RSRP1: variants seen among roughly 807,000 people sequenced by gnomAD.
RSRP1 encodes arginine/serine-rich protein 1.
In RSRP1, 37 loss-of-function variants were observed where a neutral mutation model predicts 33.0. The observed-to-expected ratio is 1.12, with a 90% CI of 0.86 to 1.48. The LOEUF (loss-of-function observed/expected upper bound fraction) is 1.48. Among genes scored for constraint, RSRP1 ranks in the 40% most tolerant of loss-of-function variants. The pLI, the probability that RSRP1 is intolerant of heterozygous loss-of-function variation, is 0.00. For synonymous variants in RSRP1, 167 were observed against 158.7 expected, an observed-to-expected ratio of 1.05 and a Z score of -0.40; for missense variants, 402 against 385.3, an observed-to-expected ratio of 1.04 and a Z score of -0.36.
chr1:25,267,788 C>G (rs1257396543), intron 1 of RSRP1: 1 of 131,584 alleles, frequency 7.6e-6, no homozygotes, highest in East Asian at 2.0e-4. Context: ...CTTTAGAACG[C>G]TCAGCACACA....
chr1:25,332,945 T>C (rs1330880595), intron 1 of RSRP1, among the ~76,000 whole-genome samples: 1 of 131,398 alleles, frequency 7.6e-6, no homozygotes, highest in Non-Finnish European at 1.8e-5. Flanking sequence ...CATGGCTCAG[T>C]CCAAGTCCCA....
rs1480245346 is a variant in RSRP1 at position 25,283,816 on chromosome 1, G to A, written c.-66-36787C>T. Among the ~76,000 whole-genome samples the A allele has an allele frequency of 2.2e-5, 3 of 133,880 alleles. 1 individual carries two copies. Among genetic ancestry groups the A allele is most frequent in the African/African-American group, 7.9e-5 (3 of 37,908 alleles). 87.8% of individuals were successfully genotyped at this position (133,880 alleles called of 152,430 possible). On this transcript the variant is annotated intron_variant, in intron 1 of 1. Coordinates refer to the RSRP1 transcript ENST00000561867. ...CCTGATTTGAACCCAAGTTTGTCTC[G>A]TTCTGGAGCTCAAGCTGCTAACCCT...
At chr1:25,269,906 C>T (rs533621716) in intron 1 of RSRP1, among the ~76,000 whole-genome samples, 6 of 132,332 alleles carry the variant, frequency 4.5e-5, no homozygotes, top group East Asian at 2.0e-4. Flanking sequence ...CCACCACCCA[C>T]GCCGTTTGCC....
intron 1 of RSRP1, among the ~76,000 whole-genome samples, chr1:25,287,170 T>C (rs1642096848): frequency 7.4e-6 from 1 of 135,162 alleles, no homozygotes; most frequent in African/African-American, 2.6e-5. Context: ...CATGCACGCA[T>C]ACACACACTG....
chr1:25,336,824 A>C (rs1477959250), intron 1 of RSRP1, among the ~76,000 whole-genome samples: 1 of 149,688 alleles, frequency 6.7e-6, no homozygotes, highest in Non-Finnish European at 1.5e-5. Context: ...AGTGGTAAGA[A>C]CGTGTCCATT....
intron 1 of RSRP1, among the ~76,000 whole-genome samples, chr1:25,258,368 T>C (rs1270086522): frequency 6.6e-6 from 1 of 152,052 alleles, no homozygotes; most frequent in Admixed American, 6.6e-5. Flanking sequence ...TTTGTAGAGA[T>C]TGGGTTTCAT....
At chr1:25,245,120 G>A in intron 3 of RSRP1, 30 bp downstream of exon 3, 1 of 1,614,120 alleles carries the variant, frequency 6.2e-7, no homozygotes, top group Non-Finnish European at 8.5e-7. Flanking sequence ...CTTTCTGAAA[G>A]TTTTGTTCCG....
At chr1:25,252,245 T>C (rs1336322324), upstream of RSRP1, among the ~76,000 whole-genome samples, 1 of 151,708 alleles carries the variant, frequency 6.6e-6, no homozygotes, top group Non-Finnish European at 1.5e-5. Flanking sequence ...TTTTTTTTAG[T>C]AGAGACATGT....
chr1:25,315,519 T>C (rs1387238605), intron 1 of RSRP1, among the ~76,000 whole-genome samples: 1 of 120,238 alleles, frequency 8.3e-6, no homozygotes, highest in African/African-American at 2.9e-5. Context: ...TTTTTTGAGA[T>C]GGAGTCTCGC....
upstream of RSRP1, among the ~76,000 whole-genome samples, chr1:25,251,885 C>A (rs1316567610): frequency 6.6e-6 from 1 of 151,252 alleles, no homozygotes; most frequent in Non-Finnish European, 1.5e-5. Context: ...AATATACCCA[C>A]ATATAGATTT....
chr1:25,266,953 T>A (rs2124567952), intron 1 of RSRP1: 1 of 123,766 alleles, frequency 8.1e-6, no homozygotes, highest in Non-Finnish European at 1.8e-5. Context: ...GCGCCTCCGC[T>A]AGGGAGACTG....
chr1:25,314,936 G>A (rs568096811), intron 1 of RSRP1, among the ~76,000 whole-genome samples: 1 of 130,880 alleles, frequency 7.6e-6, no homozygotes, highest in South Asian at 2.3e-4. Context: ...CCAGCGCGGT[G>A]GCTCACACCT....
At chr1:25,244,889 G>A in intron 3 of RSRP1, 1 of 1,260,386 alleles carries the variant, frequency 7.9e-7, no homozygotes, top group Admixed American at 3.3e-5. Context: ...TTGCCACATT[G>A]CCCAGGCTAG....
chr1:25,266,711 A>C (rs2375294), intron 1 of RSRP1: 2 of 151,374 alleles, frequency 1.3e-5, no homozygotes, highest in African/African-American at 2.8e-5. Context: ...ATTGACCCAC[A>C]TTTTTGACTG....
intron 1 of RSRP1, among the ~76,000 whole-genome samples, chr1:25,309,685 A>T (rs1405170811): frequency 1.5e-5 from 2 of 131,724 alleles, no homozygotes; most frequent in African/African-American, 5.2e-5. Flanking sequence ...CCTAGTTTGA[A>T]TCCCAAGAGC....
intron 1 of RSRP1, among the ~76,000 whole-genome samples, chr1:25,257,186 G>T (rs1639975565): frequency 6.6e-6 from 1 of 152,178 alleles, no homozygotes; most frequent in South Asian, 2.1e-4. Context: ...TGATCTCCCA[G>T]ACAGGTTTTC....
upstream of RSRP1, among the ~76,000 whole-genome samples, chr1:25,250,961 A>G (rs1013660141): frequency 1.3e-5 from 2 of 152,062 alleles, no homozygotes; most frequent in Non-Finnish European, 2.9e-5. Context: ...GTGAGCTGAG[A>G]TCACACCACT....
At chr1:25,244,723 T>G (rs1431862480) in intron 3 of RSRP1, 1 of 1,172,256 alleles carries the variant, frequency 8.5e-7, no homozygotes, top group African/African-American at 1.6e-5. Context: ...CTCGCTCTGC[T>G]GCCCAGGCTA....
At chr1:25,246,335 G>A in intron 2 of RSRP1, 109 bp downstream of exon 2, 1 of 1,487,514 alleles carries the variant, frequency 6.7e-7, no homozygotes, top group Non-Finnish European at 9.1e-7. Flanking sequence ...AAAGATTTCG[G>A]GCACTAAAGG....
Sources: gnomAD v4.1 joint callset for allele counts (sites outside exome capture counted in the v4.1 genomes callset) on GRCh38, gnomAD v4.1.1 for gene constraint, MANE v1.5 for transcripts, NCBI Gene and HGNC (gene_info 2026-07-23, HGNC 2026-07-21) for gene names.